The following SLC9B1 variants were observed in gnomAD, a reference collection of about 807,000 sequenced individuals.
SLC9B1 encodes the protein sodium/hydrogen exchanger 9B1.
A neutral mutation model predicts 51.7 loss-of-function variants in SLC9B1; 32 were observed. The observed-to-expected ratio is 0.62, with a 90% CI of 0.47 to 0.83. SLC9B1 has a LOEUF of 0.83. Among genes scored for constraint, SLC9B1 ranks in the 40% least tolerant of loss-of-function variants. SLC9B1 has a pLI of 0.00. For synonymous variants in SLC9B1, 145 were observed against 212.7 expected, an observed-to-expected ratio of 0.68 and a Z score of 2.77; for missense variants, 406 against 613.2, an observed-to-expected ratio of 0.66 and a Z score of 3.57.
chr4:102,924,976 T>C (rs1472395867), intron 7 of SLC9B1, among the ~76,000 whole-genome samples: 1 of 152,098 alleles, frequency 6.6e-6, no homozygotes, highest in East Asian at 1.9e-4. Context: ...ACTAGTTCAA[T>C]CATTGTAGAA....
At chr4:102,901,559 A>T (rs562036980) in intron 11 of SLC9B1, among the ~76,000 whole-genome samples, 18 of 152,122 alleles carry the variant, frequency 1.2e-4, no homozygotes, top group Non-Finnish European at 2.4e-4. Context: ...TTTTGGGCTG[A>T]TTTTGCACTC....
chr4:102,914,233 GAA>G (rs1578341237), intron 7 of SLC9B1, among the ~76,000 whole-genome samples: 26 of 50,038 alleles, frequency 5.2e-4, no homozygotes, highest in Admixed American at 1.3e-3. Context: ...TGCACTGGAT[GAA>G]TCAGCCAGTG....
chr4:102,949,960 C>CAATAAAAA (rs971834713), intron 3 of SLC9B1, among the ~76,000 whole-genome samples: 1 of 149,510 alleles, frequency 6.7e-6, no homozygotes, highest in Non-Finnish European at 1.5e-5. Flanking sequence ...GACTCAGTCT[C>CAATAAAAA]AATAAAAAAA....
At chr4:102,959,877 G>A (rs964723529) in intron 3 of SLC9B1, among the ~76,000 whole-genome samples, 12 of 152,070 alleles carry the variant, frequency 7.9e-5, no homozygotes, top group Non-Finnish European at 1.3e-4. Context: ...AAACAATTGG[G>A]TATTAATCTA....
chr4:102,916,534 GA>G (rs1280279237), intron 7 of SLC9B1, among the ~76,000 whole-genome samples: 1 of 152,136 alleles, frequency 6.6e-6, no homozygotes, highest in Non-Finnish European at 1.5e-5. Context: ...TAACCAGACA[GA>G]AGATCAACTG....
At chr4:102,971,420 A>G (rs1738754737) in intron 3 of SLC9B1, among the ~76,000 whole-genome samples, 2 of 152,220 alleles carry the variant, frequency 1.3e-5, no homozygotes, top group South Asian at 4.1e-4. Flanking sequence ...GGCAGAAATA[A>G]AGATGTTCTT....
At chr4:102,993,045 G>C (rs943549965) in intron 1 of SLC9B1, among the ~76,000 whole-genome samples, 3 of 151,714 alleles carry the variant, frequency 2.0e-5, no homozygotes, top group Non-Finnish European at 4.4e-5. Context: ...TATAACTCAA[G>C]GTGAGATTTG....
chr4:102,972,341 CA>C (rs1245774363), intron 3 of SLC9B1, among the ~76,000 whole-genome samples: 1 of 152,150 alleles, frequency 6.6e-6, no homozygotes, highest in African/African-American at 2.4e-5. Context: ...TCAATATACA[CA>C]AATCAATAAA....
intron 3 of SLC9B1, among the ~76,000 whole-genome samples, chr4:102,967,606 C>A (rs1169462846): frequency 1.3e-5 from 2 of 152,102 alleles, no homozygotes; most frequent in East Asian, 3.9e-4. Flanking sequence ...GCAACTCATT[C>A]TCATGGTAAC....
chr4:102,948,846 A>C (rs1737399492), intron 4 of SLC9B1, among the ~76,000 whole-genome samples: 1 of 152,146 alleles, frequency 6.6e-6, no homozygotes, highest in African/African-American at 2.4e-5. Flanking sequence ...AAGGTTGAAA[A>C]ATTACCTATT....
downstream of SLC9B1, among the ~76,000 whole-genome samples, chr4:102,900,274 C>T (rs1734724177): frequency 6.6e-6 from 1 of 152,114 alleles, no homozygotes; most frequent in African/African-American, 2.4e-5. Context: ...TTAAAACTCA[C>T]TTTGCTTGTG....
chr4:103,017,678 C>G (rs1403724811), intron 1 of SLC9B1, among the ~76,000 whole-genome samples: 2 of 138,034 alleles, frequency 1.4e-5, no homozygotes, highest in Non-Finnish European at 3.1e-5. Context: ...CTAACCCCTC[C>G]CCCAGTCTTA....
intron 6 of SLC9B1, among the ~76,000 whole-genome samples, chr4:102,936,721 G>T (rs1394052408): frequency 2.0e-5 from 3 of 152,182 alleles, no homozygotes; most frequent in South Asian, 4.1e-4. Flanking sequence ...AAGAAAGAAT[G>T]AACAAAACCT....
intron 6 of SLC9B1, among the ~76,000 whole-genome samples, chr4:102,936,239 A>C (rs1206170189): frequency 6.6e-6 from 1 of 152,218 alleles, no homozygotes; most frequent in Non-Finnish European, 1.5e-5. Context: ...GCATTAAAGA[A>C]TATAAAAAAG....
chr4:102,906,443 A>C lies in SLC9B1; in HGVS notation c.1195+93T>G, dbSNP rs1345067288. ...ATGTGTTTCTGAAGAAGGTCGTTGT[A>C]GCCAAAGATATATTGTAAATAAAAA... On this transcript the variant is annotated intron_variant, in intron 10 of 11. Transcript: ENST00000296422. The C allele has an allele frequency of 1.2e-5, 8 of 672,008 alleles. No individual in the cohort carries two copies. In the African/African-American group the frequency reaches 1.5e-4, roughly 12 times the overall value. 41.6% of individuals were successfully genotyped at this position (672,008 alleles called of 1,614,324 possible). A position where few individuals can be genotyped will look rare whatever the true frequency, so the allele number is the denominator to read the frequency against.
At chr4:102,963,440 A>T (rs1295406233) in intron 3 of SLC9B1, 1 of 184,044 alleles carries the variant, frequency 5.4e-6, no homozygotes, top group Non-Finnish European at 1.2e-5. Flanking sequence ...ATGTCTGAGC[A>T]GCATGCTTGC....
chr4:102,914,301 T>C (rs1382936086), intron 7 of SLC9B1, among the ~76,000 whole-genome samples: 1 of 148,910 alleles, frequency 6.7e-6, no homozygotes, highest in Non-Finnish European at 1.5e-5. Flanking sequence ...AGTGATGTTA[T>C]CCCCAGGAGC....
At chr4:102,964,901 T>C (rs758428440) in intron 3 of SLC9B1, among the ~76,000 whole-genome samples, 22 of 152,310 alleles carry the variant, frequency 1.4e-4, no homozygotes, top group Non-Finnish European at 2.6e-4. Flanking sequence ...GTTTACCACT[T>C]CTATTTTTTC....
chr4:102,944,583 C>T (rs1396530002), intron 6 of SLC9B1, among the ~76,000 whole-genome samples: 3 of 152,182 alleles, frequency 2.0e-5, no homozygotes, highest in Non-Finnish European at 4.4e-5. Flanking sequence ...AATGGATGAA[C>T]TTTGCTATGA....
Sources: allele counts gnomAD v4.1 joint callset (sites outside exome capture counted in the v4.1 genomes callset), GRCh38; gene constraint gnomAD v4.1.1; transcripts MANE v1.5; gene names NCBI Gene and HGNC (gene_info 2026-07-23, HGNC 2026-07-21).